Variants in PSD3 observed in about 807,000 individuals in gnomAD.
PSD3 encodes pleckstrin and Sec7 domain containing 3.
Under a neutral mutation model 105.5 loss-of-function variants are expected in PSD3, and 49 were observed. That is an observed-to-expected ratio of 0.46 (90% CI 0.37 to 0.59). PSD3 has a LOEUF of 0.59. Ranked by LOEUF, PSD3 falls within the 20% of genes least tolerant of loss-of-function variation. The pLI, the probability that PSD3 is intolerant of heterozygous loss-of-function variation, is 0.00. For synonymous variants in PSD3, 557 were observed against 457.8 expected, an observed-to-expected ratio of 1.22 and a Z score of -2.77; for missense variants, 1,561 against 1,263.8, an observed-to-expected ratio of 1.24 and a Z score of -3.57.
intron 10 of PSD3, among the ~76,000 whole-genome samples, chr8:18,652,824 A>G (rs948858197): frequency 6.6e-6 from 1 of 152,132 alleles, no homozygotes; most frequent in African/African-American, 2.4e-5. Flanking sequence ...AAAGGATCAC[A>G]TACACTGATA....
intron 4 of PSD3, among the ~76,000 whole-genome samples, chr8:18,831,680 C>A (rs1177425360): frequency 6.6e-6 from 1 of 152,112 alleles, no homozygotes; most frequent in Non-Finnish European, 1.5e-5. Flanking sequence ...TGAGATGGCA[C>A]CATTGCACTC....
At chr8:18,716,659 T>C (rs1377352183) in intron 9 of PSD3, among the ~76,000 whole-genome samples, 4 of 152,190 alleles carry the variant, frequency 2.6e-5, no homozygotes, top group Non-Finnish European at 4.4e-5. Flanking sequence ...AAGGATGTTA[T>C]AGGATGAGGA....
In PSD3 at chr8:18,867,697, G is replaced by T; in HGVS notation, c.1611C>A (p.Thr537=). The T allele has an allele frequency of 6.2e-7, 1 of 1,612,570 alleles. No individual in the cohort carries two copies. The highest frequency in any genetic ancestry group is 8.5e-7 in the Non-Finnish European group (1 of 1,178,940). ...ACCTTCCCCAGAAAGCAATCTCCGG[G>T]GTGCCTTTCGTGTAGATGGAGTCGC... is the stretch of plus-strand genomic sequence containing the variant. ...DASDSIYTKG[T]PEIAFWGSNA... The change falls in exon 4 of 16, where the codon ACC becomes ACA. Residue 537 remains threonine, a synonymous_variant. Transcript: ENST00000327040.
intron 11 of PSD3, among the ~76,000 whole-genome samples, chr8:18,607,288 G>A (rs10101988): frequency 0.76 from 116,298 of 152,090 alleles, 44,802 homozygotes; most frequent in East Asian, 0.94. Context: ...CTGCAGAATA[G>A]TTATCTAATA....
At chr8:18,592,601 C>CA (rs1206637853) in intron 12 of PSD3, among the ~76,000 whole-genome samples, 1 of 151,976 alleles carries the variant, frequency 6.6e-6, no homozygotes, top group Non-Finnish European at 1.5e-5. Flanking sequence ...TTGAAAGTAG[C>CA]AAAAGAAAAG....
rs114877883 is a variant in PSD3 at position 18,858,301 on chromosome 8, A to C, written c.1634+9373T>G. The stretch of plus-strand genomic sequence containing the variant: ...GTGTACATACTTTCCTTTAAAAACA[A>C]ACTTTATTGCTAAAAAATGCTAATG... On this transcript the variant is annotated intron_variant, in intron 4 of 15. Coordinates refer to ENST00000327040, the MANE Select transcript of PSD3 (RefSeq NM_015310.4). 3.8e-3 allele frequency among the ~76,000 whole-genome samples: 580 copies of C among 152,300 alleles called. 3 individuals are homozygous for C. Among genetic ancestry groups the C allele is most frequent in the African/African-American group, 0.013 (560 of 41,558 alleles).
chr8:18,793,372 G>GAAAAAAAAA (rs112335496), intron 8 of PSD3, among the ~76,000 whole-genome samples: 1 of 125,440 alleles, frequency 8.0e-6, no homozygotes, highest in African/African-American at 3.2e-5. Flanking sequence ...TATCAAAATA[G>GAAAAAAAAA]AAAAAAAAAA....
intron 15 of PSD3, among the ~76,000 whole-genome samples, chr8:18,537,337 C>G (rs1020326748): frequency 4.6e-5 from 7 of 152,286 alleles, no homozygotes; most frequent in South Asian, 2.1e-4. Flanking sequence ...CCAAGGCAAT[C>G]TGAGTTCAAA....
chr8:18,723,488 C>G (rs553622770), intron 9 of PSD3, among the ~76,000 whole-genome samples: 5 of 152,280 alleles, frequency 3.3e-5, no homozygotes, highest in African/African-American at 9.6e-5. Context: ...AGGCGTTTCT[C>G]TACTGAAGAT....
intron 9 of PSD3, among the ~76,000 whole-genome samples, chr8:18,756,018 T>G (rs1384148050): frequency 6.6e-6 from 1 of 152,272 alleles, no homozygotes; most frequent in Non-Finnish European, 1.5e-5. Flanking sequence ...AAAGCAGCAA[T>G]ATTCCATATT....
intron 8 of PSD3, among the ~76,000 whole-genome samples, chr8:18,784,809 C>A (rs335238): frequency 1.3e-5 from 2 of 152,018 alleles, no homozygotes; most frequent in Non-Finnish European, 2.9e-5. Flanking sequence ...GATGTACTTG[C>A]CAACCTCAAA....
chr8:18,853,112 T>C (rs1815725348), intron 4 of PSD3, among the ~76,000 whole-genome samples: 1 of 152,138 alleles, frequency 6.6e-6, no homozygotes, highest in Admixed American at 6.6e-5. Context: ...TCATGGCCTT[T>C]TTCCCTCAAA....
intron 9 of PSD3, among the ~76,000 whole-genome samples, chr8:18,692,608 T>C (rs946167487): frequency 6.6e-6 from 1 of 152,190 alleles, no homozygotes; most frequent in Admixed American, 6.5e-5. Context: ...GAGGCTTTTT[T>C]AAAGATGATG....
chr8:18,765,974 A>AC (rs1287688192), intron 8 of PSD3, among the ~76,000 whole-genome samples: 16 of 147,078 alleles, frequency 1.1e-4, no homozygotes, highest in Middle Eastern at 3.6e-3. Context: ...TCTCAAAAAA[A>AC]AAAACCAAAA....
intron 12 of PSD3, among the ~76,000 whole-genome samples, chr8:18,591,631 T>TA (rs1370270303): frequency 6.6e-6 from 1 of 152,122 alleles, no homozygotes; most frequent in Non-Finnish European, 1.5e-5. Flanking sequence ...ACAGGTGGCT[T>TA]GCTGTGGCTG....
chr8:18,602,315 A>C (rs1372140369), intron 11 of PSD3, among the ~76,000 whole-genome samples: 1 of 152,170 alleles, frequency 6.6e-6, no homozygotes, highest in Admixed American at 6.5e-5. Context: ...AAGAGATTCC[A>C]AAGAGCTCTC....
intron 8 of PSD3, among the ~76,000 whole-genome samples, chr8:18,772,669 C>T (rs534020121): frequency 8.5e-5 from 13 of 152,078 alleles, no homozygotes; most frequent in South Asian, 4.2e-4. Context: ...CCATCATGCC[C>T]GGCTAATTTT....
At chr8:18,729,918 T>C (rs2129430771) in intron 9 of PSD3, among the ~76,000 whole-genome samples, 1 of 152,328 alleles carries the variant, frequency 6.6e-6, no homozygotes, top group Middle Eastern at 3.4e-3. Flanking sequence ...CAGTAAAAAC[T>C]CTTATTTATC....
intron 12 of PSD3, among the ~76,000 whole-genome samples, chr8:18,596,561 A>G (rs1804112927): frequency 6.6e-6 from 1 of 152,170 alleles, no homozygotes; most frequent in South Asian, 2.1e-4. Flanking sequence ...TCAAAAGATC[A>G]ACAAAATTGA....
Sources: gnomAD v4.1 joint callset for allele counts (sites outside exome capture counted in the v4.1 genomes callset) on GRCh38, gnomAD v4.1.1 for gene constraint, MANE v1.5 for transcripts, NCBI Gene and HGNC (gene_info 2026-07-23, HGNC 2026-07-21) for gene names.